CNTNAP2: variants seen among roughly 807,000 people sequenced by gnomAD.
CNTNAP2 encodes the protein contactin associated protein 2, also known as contactin-associated protein-like 2.
CNTNAP2 carries 98 observed loss-of-function variants against 155.2 expected under a neutral mutation model. The observed-to-expected ratio is 0.63, with a 90% CI of 0.54 to 0.75. The LOEUF (loss-of-function observed/expected upper bound fraction) is 0.75. Ranked by LOEUF, CNTNAP2 falls within the 30% of genes least tolerant of loss-of-function variation. CNTNAP2 has a pLI of 0.00. For synonymous variants in CNTNAP2, 651 were observed against 631.2 expected (o/e 1.03, Z -0.47); for missense variants, 1,727 against 1,688.1 (o/e 1.02, Z -0.40).
chr7:148,357,328 C>T (rs1274661931), intron 21 of CNTNAP2, among the ~76,000 whole-genome samples: 1 of 152,178 alleles, frequency 6.6e-6, no homozygotes, highest in Non-Finnish European at 1.5e-5. Flanking sequence ...CCTCCCCAGC[C>T]ATGTGGAACT....
intron 15 of CNTNAP2, among the ~76,000 whole-genome samples, chr7:148,089,504 T>A (rs1053577407): frequency 6.6e-6 from 1 of 151,840 alleles, no homozygotes; most frequent in African/African-American, 2.4e-5. Context: ...TTCTATATAT[T>A]AACATGAATT....
intron 1 of CNTNAP2, among the ~76,000 whole-genome samples, chr7:146,336,440 A>G (rs1252200537): frequency 6.6e-6 from 1 of 152,138 alleles, no homozygotes; most frequent in East Asian, 1.9e-4. Flanking sequence ...GAAAACATAA[A>G]ACTACAAACT....
chr7:147,294,823 T>G (rs569078321), intron 8 of CNTNAP2, among the ~76,000 whole-genome samples: 1 of 152,102 alleles, frequency 6.6e-6, no homozygotes, highest in South Asian at 2.1e-4. Flanking sequence ...CACACCCGGC[T>G]AATTTTTTGT....
chr7:146,148,750 A>G (rs937177072), intron 1 of CNTNAP2, among the ~76,000 whole-genome samples: 14 of 152,192 alleles, frequency 9.2e-5, no homozygotes, highest in Admixed American at 5.2e-4. Flanking sequence ...ATAGCATTCT[A>G]TTATACACAG....
At chr7:147,797,086 C>T (rs1797908835) in intron 13 of CNTNAP2, among the ~76,000 whole-genome samples, 1 of 152,174 alleles carries the variant, frequency 6.6e-6, no homozygotes, top group Non-Finnish European at 1.5e-5. Context: ...CTAGTTCTTA[C>T]TTAGTCCCAC....
At chr7:147,308,544 T>C (rs950988931) in intron 9 of CNTNAP2, among the ~76,000 whole-genome samples, 1 of 152,198 alleles carries the variant, frequency 6.6e-6, no homozygotes, top group African/African-American at 2.4e-5. Context: ...GGGTCAAGGA[T>C]GACACCGGTC....
chr7:148,314,872 G>C (rs542529654), intron 21 of CNTNAP2, among the ~76,000 whole-genome samples: 8 of 152,328 alleles, frequency 5.3e-5, no homozygotes, highest in African/African-American at 1.9e-4. Flanking sequence ...GTCTTCCCCA[G>C]TCCGTGACCG....
chr7:146,761,205 G>A (rs10952660), intron 1 of CNTNAP2, among the ~76,000 whole-genome samples: 11 of 151,784 alleles, frequency 7.2e-5, no homozygotes, highest in Admixed American at 4.6e-4. Flanking sequence ...CCCTAATAGG[G>A]TTAATAACTC....
chr7:147,582,015 T>A (rs1196118135), intron 12 of CNTNAP2, among the ~76,000 whole-genome samples: 2 of 152,142 alleles, frequency 1.3e-5, no homozygotes, highest in African/African-American at 4.8e-5. Context: ...TATAAAGAAT[T>A]GTATCACTTA....
chr7:148,000,615 C>T (rs917367958), intron 15 of CNTNAP2, among the ~76,000 whole-genome samples: 2 of 152,146 alleles, frequency 1.3e-5, no homozygotes. Context: ...ATACTTTCAG[C>T]CTTTACAGTT....
Position 148,409,435 on chromosome 7 carries a change from A to C in CNTNAP2, c.3760A>C (p.Arg1254=), listed in dbSNP as rs1267373555. The C allele has an allele frequency of 6.2e-7, 1 of 1,613,946 alleles. No homozygotes were observed. The highest frequency in any genetic ancestry group is 1.7e-5 in the Admixed American group (1 of 60,018). ...PYNPGQGQAI[R]NGVNRNSAII... is the part of the protein sequence containing the mutation. ...TAATCCAGGACAAGGCCAAGCTATA[A>C]GAAATGGAGTCAACAGAAACTCGGC... The change falls in exon 23 of 24, where the codon AGA becomes CGA. Residue 1254 remains arginine (R), a synonymous_variant. Transcript: ENST00000361727.
chr7:148,184,130 A>T (rs926561998), intron 18 of CNTNAP2, among the ~76,000 whole-genome samples: 5 of 152,168 alleles, frequency 3.3e-5, no homozygotes, highest in African/African-American at 1.2e-4. Context: ...CTTCAAAGAT[A>T]GATCAACAAA....
intron 18 of CNTNAP2, among the ~76,000 whole-genome samples, chr7:148,207,295 G>C (rs986931422): frequency 3.3e-5 from 5 of 152,160 alleles, no homozygotes; most frequent in Admixed American, 1.3e-4. Flanking sequence ...CTAAGTAGTC[G>C]GGCAGGAGAG....
At chr7:147,133,273 C>G (rs1390262544) in intron 8 of CNTNAP2, among the ~76,000 whole-genome samples, 1 of 152,022 alleles carries the variant, frequency 6.6e-6, no homozygotes, top group Non-Finnish European at 1.5e-5. Flanking sequence ...CTGTTTTCAT[C>G]TATTTTTCTT....
Position 147,902,790 on chromosome 7 carries a change from GTGTGTGTGTGTGTGTGTGTGTGTA to G in CNTNAP2, c.2099-751_2099-728del, listed in dbSNP as rs1264127110. On this transcript the variant is annotated intron_variant, in intron 13 of 23. Coordinates refer to ENST00000361727, the MANE Select transcript of CNTNAP2 (RefSeq NM_014141.6). ...CCATCATATATGTTTGTGTGTGTGT[GTGTGTGTGTGTGTGTGTGTGTGTA>G]TGTGTGTGTGTGTGTGTGTGTGTGT... Among the ~76,000 whole-genome samples, 283 of 135,214 alleles carry G rather than the reference GTGTGTGTGTGTGTGTGTGTGTGTA, an allele frequency of 2.1e-3. 1 individual carries two copies. The highest frequency in any genetic ancestry group is 4.1e-3 in the South Asian group (18 of 4,346). 88.7% of individuals were successfully genotyped at this position (135,214 alleles called of 152,430 possible).
chr7:146,208,868 A>T (rs1278606604), intron 1 of CNTNAP2: 1 of 152,106 alleles, frequency 6.6e-6, no homozygotes, highest in East Asian at 1.9e-4. Flanking sequence ...GCCTCAATCT[A>T]GTCCACATCT....
At chr7:147,422,399 C>G (rs1001778955) in intron 10 of CNTNAP2, among the ~76,000 whole-genome samples, 1 of 151,358 alleles carries the variant, frequency 6.6e-6, no homozygotes, top group Admixed American at 6.6e-5. Context: ...TATATACATA[C>G]TATATATGTA....
At chr7:148,092,178 G>A (rs557061199) in intron 15 of CNTNAP2, among the ~76,000 whole-genome samples, 2 of 152,298 alleles carry the variant, frequency 1.3e-5, no homozygotes, top group Non-Finnish European at 2.9e-5. Context: ...ATTTCCTTGG[G>A]GGAGCAGGTT....
intron 11 of CNTNAP2, among the ~76,000 whole-genome samples, chr7:147,517,591 T>C (rs1489926491): frequency 6.6e-6 from 1 of 152,158 alleles, no homozygotes; most frequent in African/African-American, 2.4e-5. Flanking sequence ...AAGTCAACTA[T>C]AGAAAGCTAT....
Sources: gnomAD v4.1 joint callset for allele counts (sites outside exome capture counted in the v4.1 genomes callset) on GRCh38, gnomAD v4.1.1 for gene constraint, MANE v1.5 for transcripts, NCBI Gene and HGNC (gene_info 2026-07-23, HGNC 2026-07-21) for gene names.